The following PLXDC2 variants were observed in gnomAD, a reference collection of about 807,000 sequenced individuals.
PLXDC2 encodes the protein plexin domain-containing protein 2.
A neutral mutation model predicts 68.9 loss-of-function variants in PLXDC2; 40 were observed. The observed-to-expected ratio is 0.58, with a 90% CI of 0.45 to 0.76. The LOEUF (loss-of-function observed/expected upper bound fraction) is 0.76. Ranked by LOEUF, PLXDC2 falls within the 30% of genes least tolerant of loss-of-function variation. The pLI is 0.00. For synonymous variants in PLXDC2, 243 were observed against 234.2 expected (o/e 1.04, Z -0.34); for missense variants, 644 against 661.9 (o/e 0.97, Z 0.30).
chr10:20,175,134 G>C (rs1054021601), intron 7 of PLXDC2, among the ~76,000 whole-genome samples: 1 of 152,054 alleles, frequency 6.6e-6, no homozygotes, highest in African/African-American at 2.4e-5. Context: ...ATGATCTAAG[G>C]TTGTCATATT....
intron 2 of PLXDC2, among the ~76,000 whole-genome samples, chr10:20,033,749 C>T (rs973905160): frequency 6.6e-6 from 1 of 152,160 alleles, no homozygotes; most frequent in African/African-American, 2.4e-5. Context: ...CTTCCCATGA[C>T]ACTTGGGAAT....
At chr10:19,968,891 T>G (rs1387403091) in intron 1 of PLXDC2, among the ~76,000 whole-genome samples, 1 of 152,080 alleles carries the variant, frequency 6.6e-6, no homozygotes, top group Non-Finnish European at 1.5e-5. Context: ...AGGCCTCCAA[T>G]CCACAAATTG....
At position 20,180,626 on chromosome 10, in the gene PLXDC2, T is replaced by A. The variant is rs10159752; in HGVS notation, c.1061+3217T>A. ...TTATCCCTGAATGATAATCGGTTGG[T>A]GGTAATTACTGAACTCTCAAGTAGG... is the stretch of plus-strand genomic sequence containing the variant. On this transcript the variant is annotated intron_variant, in intron 9 of 13. Coordinates refer to ENST00000377252, the MANE Select transcript of PLXDC2 (RefSeq NM_032812.9). 3.6e-3 allele frequency among the ~76,000 whole-genome samples: 552 copies of A among 152,240 alleles called. 1 individual carries two copies. The highest frequency in any genetic ancestry group is 0.013 in the African/African-American group (523 of 41,568).
intron 1 of PLXDC2, among the ~76,000 whole-genome samples, chr10:19,942,044 A>T (rs1468272053): frequency 6.6e-6 from 1 of 152,066 alleles, no homozygotes; most frequent in Admixed American, 6.5e-5. Context: ...TTGGACACAG[A>T]AGCAGAAAGC....
At chr10:19,993,774 G>C in intron 1 of PLXDC2, among the ~76,000 whole-genome samples, 1 of 152,216 alleles carries the variant, frequency 6.6e-6, no homozygotes, top group South Asian at 2.1e-4. Context: ...GTTCTGTTTC[G>C]TTTTATATAT....
intron 1 of PLXDC2, among the ~76,000 whole-genome samples, chr10:19,989,498 C>A (rs555504335): frequency 6.6e-6 from 1 of 152,212 alleles, no homozygotes; most frequent in African/African-American, 2.4e-5. Context: ...GTGCTGAAAT[C>A]AAGTTATACG....
At chr10:20,187,462 A>G (rs2131835521) in intron 9 of PLXDC2, among the ~76,000 whole-genome samples, 1 of 151,888 alleles carries the variant, frequency 6.6e-6, no homozygotes, top group Middle Eastern at 3.4e-3. Context: ...AATCACCTTA[A>G]ACATTTAGTA....
intron 1 of PLXDC2, among the ~76,000 whole-genome samples, chr10:19,848,489 T>C (rs1170951028): frequency 1.3e-5 from 2 of 152,212 alleles, no homozygotes; most frequent in East Asian, 3.9e-4. Context: ...TCTTGAATCT[T>C]AAGGATGTTT....
chr10:20,243,217 T>C (rs577868670), intron 12 of PLXDC2, among the ~76,000 whole-genome samples: 36 of 152,068 alleles, frequency 2.4e-4, no homozygotes, highest in Non-Finnish European at 4.4e-4. Flanking sequence ...GTGAGCTCAG[T>C]TCTACCTTAA....
At chr10:20,212,884 T>G (rs1156862800) in intron 10 of PLXDC2, among the ~76,000 whole-genome samples, 2 of 152,118 alleles carry the variant, frequency 1.3e-5, no homozygotes, top group East Asian at 3.9e-4. Context: ...TTTGAGACAA[T>G]CATTTCTTTC....
chr10:19,893,619 T>C (rs2131361861), intron 1 of PLXDC2, among the ~76,000 whole-genome samples: 1 of 152,374 alleles, frequency 6.6e-6, no homozygotes, highest in South Asian at 2.1e-4. Context: ...AATATAATAA[T>C]GGCTCCTTTT....
chr10:19,884,066 ATT>A (rs112223327), intron 1 of PLXDC2, among the ~76,000 whole-genome samples: 1 of 133,312 alleles, frequency 7.5e-6, no homozygotes, highest in Non-Finnish European at 1.6e-5. Flanking sequence ...TAATTTTTGT[ATT>A]TTTTTTTTTG....
At chr10:20,049,997 T>A (rs1356477733) in intron 3 of PLXDC2, among the ~76,000 whole-genome samples, 1 of 152,126 alleles carries the variant, frequency 6.6e-6, no homozygotes, top group Non-Finnish European at 1.5e-5. Context: ...AGCATGTTAC[T>A]GGTACAAAAA....
At chr10:20,085,037 C>T (rs576540919) in intron 4 of PLXDC2, among the ~76,000 whole-genome samples, 6 of 152,010 alleles carry the variant, frequency 3.9e-5, no homozygotes, top group Admixed American at 2.6e-4. Context: ...GCACAACCCT[C>T]GGGTCAAGGA....
chr10:20,209,839 A>G (rs1271280789), intron 9 of PLXDC2, among the ~76,000 whole-genome samples: 1 of 152,170 alleles, frequency 6.6e-6, no homozygotes, highest in Non-Finnish European at 1.5e-5. Context: ...GGAAATCACA[A>G]GGGTATTGAC....
chr10:20,277,650 CTT>C (rs1011102430), intron 13 of PLXDC2, among the ~76,000 whole-genome samples: 3 of 152,170 alleles, frequency 2.0e-5, no homozygotes, highest in African/African-American at 7.2e-5. Context: ...AGTTGTTACT[CTT>C]TGCTTGGCGT....
At chr10:19,858,673 G>T (rs16919438) in intron 1 of PLXDC2, among the ~76,000 whole-genome samples, 1 of 152,110 alleles carries the variant, frequency 6.6e-6, no homozygotes, top group Non-Finnish European at 1.5e-5. Flanking sequence ...GAGTCTGGGA[G>T]AAGAAAGTAA....
At chr10:20,098,850 G>A (rs1333609310) in intron 4 of PLXDC2, among the ~76,000 whole-genome samples, 13 of 152,124 alleles carry the variant, frequency 8.5e-5, no homozygotes, top group Non-Finnish European at 1.6e-4. Context: ...ATTGGTAGAA[G>A]CACTGAATGC....
chr10:20,011,378 G>GA (rs1188598201), intron 2 of PLXDC2, among the ~76,000 whole-genome samples: 3 of 152,148 alleles, frequency 2.0e-5, no homozygotes, highest in African/African-American at 7.2e-5. Context: ...ATGGAAGGGG[G>GA]ATTGTACAGG....
Sources: gnomAD v4.1 joint callset for allele counts (sites outside exome capture counted in the v4.1 genomes callset) on GRCh38, gnomAD v4.1.1 for gene constraint, MANE v1.5 for transcripts, NCBI Gene and HGNC (gene_info 2026-07-23, HGNC 2026-07-21) for gene names.